Variants in CASS4 observed in about 807,000 individuals in gnomAD.
CASS4 encodes the protein Cas scaffold protein family member 4.
A neutral mutation model predicts 54.2 loss-of-function variants in CASS4; 22 were observed. The observed-to-expected ratio is 0.41, with a 90% CI of 0.29 to 0.58. CASS4 has a LOEUF of 0.58. Among genes scored for constraint, CASS4 ranks in the 20% least tolerant of loss-of-function variants. The probability of loss-of-function intolerance (pLI) is 0.36; values close to 1 mark genes in which losing one functional copy is unlikely to be tolerated. For synonymous variants in CASS4, 409 were observed against 391.5 expected (o/e 1.04, Z -0.53); for missense variants, 854 against 986.7 (o/e 0.87, Z 1.80).
At chr20:56,450,861 C>G (rs987012556) in intron 4 of CASS4, among the ~76,000 whole-genome samples, 182 bp downstream of exon 4, 1 of 151,958 alleles carries the variant, frequency 6.6e-6, no homozygotes, top group East Asian at 1.9e-4. Context: ...TGGCAAAACC[C>G]CATCTCTACT....
intron 1 of CASS4, among the ~76,000 whole-genome samples, chr20:56,435,875 C>T (rs561067013): frequency 1.3e-5 from 2 of 152,216 alleles, no homozygotes; most frequent in East Asian, 3.9e-4. Context: ...CTCAGTCTCC[C>T]GAGTAGCTGG....
intron 5 of CASS4, 41 bp downstream of exon 5, chr20:56,453,170 T>C (rs1981127492): frequency 1.4e-6 from 2 of 1,463,054 alleles, no homozygotes; most frequent in Middle Eastern, 1.7e-4. Flanking sequence ...GGGGCTTCAA[T>C]TGTTACCTGG....
rs1012790504 is a variant in CASS4 at position 56,452,088 on chromosome 20, C to G, written c.912C>G (p.Leu304=). ...ACAATGTGCCCATGCAGAAAAAACTCAGCCTTCCAGAAATTCCTTCTTATG... is the reference window on the plus strand; with the variant it reads ...ACAATGTGCCCATGCAGAAAAAACTGAGCCTTCCAGAAATTCCTTCTTATG... ...LNNNVPMQKK[L]SLPEIPSYGF... The change falls in exon 5 of 6, where the codon CTC becomes CTG. Residue 304 remains leucine, a synonymous_variant. Coordinates refer to ENST00000679887, the MANE Select transcript of CASS4 (RefSeq NM_020356.4). 3 of 1,614,226 alleles carry G rather than the reference C, an allele frequency of 1.9e-6. No homozygotes were observed. The Admixed American group carries it at 5.0e-5, about 27-fold the overall frequency.
At chr20:56,454,684 G>C (rs1331725277) in intron 5 of CASS4, among the ~76,000 whole-genome samples, 1 of 152,166 alleles carries the variant, frequency 6.6e-6, no homozygotes, top group African/African-American at 2.4e-5. Flanking sequence ...AGAAGAGAAA[G>C]ATAAACCTAT....
intron 2 of CASS4, among the ~76,000 whole-genome samples, chr20:56,438,055 C>T (rs1223484809): frequency 3.3e-5 from 5 of 151,988 alleles, no homozygotes; most frequent in African/African-American, 9.7e-5. Flanking sequence ...TCTGGGGGGA[C>T]GAGACAGGAG....
At chr20:56,441,505 T>G (rs1980457525) in intron 2 of CASS4, among the ~76,000 whole-genome samples, 1 of 151,992 alleles carries the variant, frequency 6.6e-6, no homozygotes, top group South Asian at 2.1e-4. Flanking sequence ...CTCAGAAGGC[T>G]GAGGCAGGAG....
At chr20:56,443,324 C>T (rs1489058556) in intron 2 of CASS4, among the ~76,000 whole-genome samples, 8 of 151,234 alleles carry the variant, frequency 5.3e-5, no homozygotes, top group Middle Eastern at 3.4e-3. Flanking sequence ...AAAAAAGTAG[C>T]GGGGTGTGGT....
At chr20:56,434,874 C>A (rs1365892073) in intron 1 of CASS4, among the ~76,000 whole-genome samples, 2 of 152,152 alleles carry the variant, frequency 1.3e-5, no homozygotes, top group African/African-American at 4.8e-5. Context: ...AAGAAAAGAT[C>A]TGGAAACACA....
Position 56,426,115 on chromosome 20 carries a change from G to A in CASS4, c.37-11049G>A, listed in dbSNP as rs1600749765. 1.3e-5 allele frequency among the ~76,000 whole-genome samples: 2 copies of A among 152,280 alleles called. 1 individual carries two copies. ...TGCTAAGATGTCCACACCGTCTTGT[G>A]ATAGAGTCTGTGCTAAGCAGAGTGG... On this transcript the variant is annotated intron_variant, in intron 1 of 5. Transcript: ENST00000679887.
At chr20:56,438,213 C>A (rs952191417) in intron 2 of CASS4, among the ~76,000 whole-genome samples, 1 of 151,824 alleles carries the variant, frequency 6.6e-6, no homozygotes, top group Non-Finnish European at 1.5e-5. Context: ...TCGGTTGAGC[C>A]CAGGAAGTCG....
chr20:56,444,601 T>C (rs1482438308), intron 2 of CASS4, among the ~76,000 whole-genome samples: 1 of 152,180 alleles, frequency 6.6e-6, no homozygotes, highest in East Asian at 1.9e-4. Flanking sequence ...ACTTGGCAGC[T>C]GTATTATTTT....
chr20:56,450,425 G>A (rs1036713935), intron 3 of CASS4, among the ~76,000 whole-genome samples, 174 bp from the exon 4 acceptor site: 6 of 152,320 alleles, frequency 3.9e-5, no homozygotes, highest in African/African-American at 7.2e-5. Flanking sequence ...CAAGGAAGGC[G>A]GGAGACCTGT....
chr20:56,429,749 C>T (rs1056965434), intron 1 of CASS4, among the ~76,000 whole-genome samples: 6 of 152,134 alleles, frequency 3.9e-5, no homozygotes. Flanking sequence ...CTCCTCCTTA[C>T]CCCCAGATGG....
At chr20:56,420,882 C>T (rs1041514291) in intron 1 of CASS4, among the ~76,000 whole-genome samples, 1 of 152,050 alleles carries the variant, frequency 6.6e-6, no homozygotes, top group African/African-American at 2.4e-5. Context: ...CTTTGGGTAT[C>T]CCAAATAAGG....
At chr20:56,445,754 T>C in intron 2 of CASS4, 146 bp from the exon 3 acceptor site, 1 of 590,602 alleles carries the variant, frequency 1.7e-6, no homozygotes, top group Non-Finnish European at 3.0e-6. Flanking sequence ...GTCTTGAGAG[T>C]GAAGAGCCTG....
At chr20:56,458,201 A>G in intron 5 of CASS4, 139 bp from the exon 6 acceptor site, 2 of 645,440 alleles carry the variant, frequency 3.1e-6, no homozygotes, top group Non-Finnish European at 5.2e-6. Context: ...CAACTGTTGC[A>G]GTATTGGGCT....
Position 56,448,577 on chromosome 20 carries a change from A to G in CASS4, c.562-2022A>G, listed in dbSNP as rs538039959. Among the ~76,000 whole-genome samples, 331 of 152,006 alleles carry G rather than the reference A, an allele frequency of 2.2e-3. 4 individuals carry two copies. The highest frequency in any genetic ancestry group is 7.8e-3 in the African/African-American group (324 of 41,460). The stretch of plus-strand genomic sequence containing the variant: ...GGGAGTGAAAGGCAACCCCCGCTAC[A>G]CCGCACCCCATTTCCCAGCTGAGGA... On this transcript the variant is annotated intron_variant, in intron 3 of 5. Coordinates refer to ENST00000679887, the MANE Select transcript of CASS4 (RefSeq NM_020356.4).
In CASS4 at chr20:56,437,581, A is replaced by G. The variant is rs1775923430; in HGVS notation, c.454A>G (p.Lys152Glu). Residue 152 changes from lysine (K) to glutamate (E), a missense_variant, in exon 2 of 6, where the codon AAA becomes GAA. Physicochemically the swap from Lys to Glu is moderately conservative, Grantham distance 56. Transcript: ENST00000679887. This position sits in a 1 kb window ranked among gnomAD's most constrained non-coding sequence, Gnocchi z 4.7. ...IICEKTLSFPKQAILTLPRPV... is the reference protein window; with the variant it reads ...IICEKTLSFPEQAILTLPRPV... ...CTGTGAAAAGACTCTCAGCTTTCCA[A>G]AACAGGTACGCATACTTCCACCTAC... 1 of 1,532,310 alleles carries G rather than the reference A, an allele frequency of 6.5e-7. No homozygotes were observed. The highest frequency in any genetic ancestry group is 2.3e-5 in the East Asian group (1 of 44,058). The allele number at this position is 1,532,310 out of a possible 1,614,324, so 94.9% of individuals were successfully genotyped here.
At chr20:56,436,374 G>GTGTATA (rs1275794408) in intron 1 of CASS4, among the ~76,000 whole-genome samples, 1 of 135,562 alleles carries the variant, frequency 7.4e-6, no homozygotes, top group African/African-American at 2.7e-5. Flanking sequence ...ATATATATAT[G>GTGTATA]TATATATATA....
Sources: gnomAD v4.1 joint callset for allele counts (sites outside exome capture counted in the v4.1 genomes callset) on GRCh38, gnomAD v4.1.1 for gene constraint, Gnocchi (gnomAD v3.1) non-coding constraint, MANE v1.5 for transcripts, NCBI Gene and HGNC (gene_info 2026-07-23, HGNC 2026-07-21) for gene names.